Variants in SPRY3 observed in about 807,000 individuals in gnomAD.
SPRY3 encodes the protein sprouty RTK signaling antagonist 3, also known as protein sprouty homolog 3.
A neutral mutation model predicts 20.2 loss-of-function variants in SPRY3; 15 were observed. The ratio of observed to expected loss-of-function variants is 0.74; its 90% CI spans 0.50 to 1.14. The LOEUF (loss-of-function observed/expected upper bound fraction) is 1.14, where lower values mean the gene tolerates loss of function less well. Ranked by LOEUF, SPRY3 falls within the 50% of genes most tolerant of loss-of-function variation. SPRY3 has a pLI of 0.00. For missense variants in SPRY3, 364 were observed against 363.9 expected (o/e 1.00, Z 0.00); for synonymous variants, 143 against 136.5 (o/e 1.05, Z -0.33).
intron 1 of SPRY3, among the ~76,000 whole-genome samples, chrX:155,640,810 T>C (rs1267719344): frequency 3.6e-5 from 4 of 112,213 alleles, no homozygotes; most frequent in Admixed American, 9.5e-5. Flanking sequence ...GTTTTCCAGT[T>C]ATAATAGTTT....
Position 155,649,965 on chromosome X carries a change from T to C in SPRY3, c.-440-6902T>C, listed in dbSNP as rs183554616. Among the ~76,000 whole-genome samples the C allele has an allele frequency of 8.3e-4, 92 of 111,112 alleles. 1 individual carries two copies. The highest frequency in any genetic ancestry group is 7.5e-4 in the South Asian group (2 of 2,651). On this transcript the variant is annotated intron_variant, in intron 1 of 3. Transcript: ENST00000675360. ...TGCAAAAATCACAAGCATTCCTATA[T>C]ACCAATAATAGAGAGCCAAATCATG... is the stretch of plus-strand genomic sequence containing the variant.
chrX:155,728,590 G>T (rs1029652328), intron 2 of SPRY3, among the ~76,000 whole-genome samples: 3 of 152,216 alleles, frequency 2.0e-5, no homozygotes, highest in African/African-American at 7.2e-5. Flanking sequence ...AGTGAGCAAG[G>T]CTCCGTGGGC....
chrX:155,774,896 T>A, exon 4 of SPRY3: 4 of 779,318 alleles, frequency 5.1e-6, no homozygotes, highest in Non-Finnish European at 6.2e-6. Context: ...TACATCCTGG[T>A]GCAGGATGCC....
At chrX:155,708,890 C>T (rs950321506) in intron 2 of SPRY3, among the ~76,000 whole-genome samples, 1 of 151,310 alleles carries the variant, frequency 6.6e-6, no homozygotes, top group Non-Finnish European at 1.5e-5. Flanking sequence ...CACCTTTTCC[C>T]TATTAACGAC....
chrX:155,774,194 C>T, exon 4 of SPRY3: 5 of 1,614,006 alleles, frequency 3.1e-6, no homozygotes, highest in Non-Finnish European at 4.2e-6. Context: ...CCCTCACCTT[C>T]AGGCCAATCC....
chrX:155,628,891 A>T (rs1241558986), intron 1 of SPRY3, among the ~76,000 whole-genome samples: 1 of 111,722 alleles, frequency 9.0e-6, no homozygotes. Flanking sequence ...CCTGATGGTA[A>T]TGATGTTGAG....
At chrX:155,715,975 C>T (rs1333088427) in intron 2 of SPRY3, among the ~76,000 whole-genome samples, 7 of 152,150 alleles carry the variant, frequency 4.6e-5, no homozygotes, top group Non-Finnish European at 8.8e-5. Flanking sequence ...TCAAGACTGT[C>T]TCTCTTGCCC....
At chrX:155,729,668 G>T (rs2091120815) in intron 2 of SPRY3, among the ~76,000 whole-genome samples, 1 of 150,670 alleles carries the variant, frequency 6.6e-6, no homozygotes, top group African/African-American at 2.4e-5. Context: ...AAAAGCAAGA[G>T]CAAAACAAAC....
At chrX:155,676,134 G>T (rs186091806) in intron 2 of SPRY3, among the ~76,000 whole-genome samples, 3 of 110,539 alleles carry the variant, frequency 2.7e-5, no homozygotes, top group African/African-American at 9.9e-5. Flanking sequence ...TTCTCCATGA[G>T]TCTTCAAAGA....
chrX:155,650,998 G>T (rs1442062491), intron 1 of SPRY3, among the ~76,000 whole-genome samples: 1 of 110,850 alleles, frequency 9.0e-6, no homozygotes, highest in Non-Finnish European at 1.9e-5. Context: ...TTTCCATAGA[G>T]AATGTACTAT....
intron 2 of SPRY3, among the ~76,000 whole-genome samples, chrX:155,716,690 AT>A (rs1569384360): frequency 6.6e-6 from 1 of 151,456 alleles, no homozygotes; most frequent in Non-Finnish European, 1.5e-5. Flanking sequence ...GTCTCTGTTC[AT>A]TTTTTTAATC....
At chrX:155,672,146 A>G (rs1196588730) in intron 2 of SPRY3, among the ~76,000 whole-genome samples, 1 of 111,573 alleles carries the variant, frequency 9.0e-6, no homozygotes, top group Non-Finnish European at 1.9e-5. Context: ...TTGTGGTTCC[A>G]TATGAACTTT....
intron 2 of SPRY3, among the ~76,000 whole-genome samples, chrX:155,671,376 A>G (rs1426213921): frequency 9.1e-6 from 1 of 110,449 alleles, no homozygotes; most frequent in Non-Finnish European, 1.9e-5. Context: ...GCTTCTCCCA[A>G]TGTCCAGGGG....
intron 1 of SPRY3, among the ~76,000 whole-genome samples, chrX:155,639,178 CTAATTT>C (rs1257584707): frequency 1.8e-5 from 2 of 112,160 alleles, no homozygotes; most frequent in African/African-American, 3.2e-5. Flanking sequence ...CAGAATTATT[CTAATTT>C]TAACAACAGC....
chrX:155,740,924 G>C (rs2091201625), intron 2 of SPRY3, among the ~76,000 whole-genome samples: 2 of 152,024 alleles, frequency 1.3e-5, no homozygotes, highest in Admixed American at 1.3e-4. Context: ...CACCCCGGAG[G>C]CCCAGCTGTA....
intron 1 of SPRY3, among the ~76,000 whole-genome samples, chrX:155,627,167 T>C (rs1182118506): frequency 8.9e-6 from 1 of 111,753 alleles, no homozygotes; most frequent in Non-Finnish European, 1.9e-5. Flanking sequence ...TACTGTACGA[T>C]AGAACTTATT....
At chrX:155,741,259 G>A (rs2091203137) in intron 2 of SPRY3, among the ~76,000 whole-genome samples, 1 of 152,110 alleles carries the variant, frequency 6.6e-6, no homozygotes, top group Non-Finnish European at 1.5e-5. Context: ...CTCAGAGCTT[G>A]AAGGCTATCT....
intron 2 of SPRY3, among the ~76,000 whole-genome samples, chrX:155,699,098 G>T (rs1305144796): frequency 8.9e-6 from 1 of 111,943 alleles, no homozygotes; most frequent in African/African-American, 3.2e-5. Flanking sequence ...AAGACAAACA[G>T]ATTGGAAAGT....
chrX:155,704,126 G>T (rs1326010436), intron 2 of SPRY3, among the ~76,000 whole-genome samples: 2 of 151,116 alleles, frequency 1.3e-5, no homozygotes, highest in Non-Finnish European at 1.5e-5. Flanking sequence ...CATGTGAAAA[G>T]GCAAAAAAAA....
Sources: gnomAD v4.1 joint callset for allele counts (sites outside exome capture counted in the v4.1 genomes callset) on GRCh38, gnomAD v4.1.1 for gene constraint, MANE v1.5 for transcripts, NCBI Gene and HGNC (gene_info 2026-07-23, HGNC 2026-07-21) for gene names.